DDX51: variants seen among roughly 807,000 people sequenced by gnomAD.
DDX51 encodes ATP-dependent RNA helicase DDX51.
A neutral mutation model predicts 74.6 loss-of-function variants in DDX51; 67 were observed. The observed-to-expected ratio is 0.90, with a 90% CI of 0.74 to 1.10. DDX51 has a LOEUF of 1.10. Ranked by LOEUF, DDX51 falls within the 50% of genes least tolerant of loss-of-function variation. DDX51 has a pLI of 0.00. For synonymous variants in DDX51, 545 were observed against 402.9 expected (o/e 1.35, Z -4.22); for missense variants, 1,056 against 905.2 (o/e 1.17, Z -2.14).
chr12:132,141,967 A>C lies in DDX51; in HGVS notation c.889-11T>G. 2 of 1,612,402 alleles carry C rather than the reference A, an allele frequency of 1.2e-6. No individual in the cohort carries two copies. Among genetic ancestry groups the C allele is most frequent in the African/African-American group, 1.3e-5 (1 of 75,064 alleles). On this transcript the variant is annotated splice_polypyrimidine_tract_variant and intron_variant, in intron 5 of 14. Coordinates refer to ENST00000397333, the MANE Select transcript of DDX51 (RefSeq NM_175066.4). ...GAAAACTTTGCTCACCTGCAGGAGA[A>C]GTCTGTCACTGGCCTGGAGGTAGCT...
chr12:132,140,849 G>A lies in DDX51; in HGVS notation c.1422C>T (p.Ala474=), dbSNP rs145968698. 495 of 1,613,616 alleles carry A rather than the reference G, an allele frequency of 3.1e-4. 6 individuals carry two copies. In the East Asian group the frequency reaches 0.011, roughly 35 times the overall value. Residue 474 remains alanine (A), a synonymous_variant, in exon 9 of 15, where the codon GCC becomes GCT. Coordinates refer to ENST00000397333, the MANE Select transcript of DDX51 (RefSeq NM_175066.4). ...TDGDGDSGKY[A]FPVGLTHHYV... ...CACTCACCGTGAGCCCAACAGGAAA[G>A]GCATACTTCCCCGAATCCCCGTCCC... is the stretch of plus-strand genomic sequence containing the variant.
chr12:132,139,345 A>G lies in DDX51; in HGVS notation c.1975-47T>C, dbSNP rs371973975. On this transcript the variant is annotated intron_variant, in intron 14 of 14. Coordinates refer to ENST00000397333, the MANE Select transcript of DDX51 (RefSeq NM_175066.4). ...TCAGCACCACACACTCTGTCCCCTC[A>G]TCGTCTGTGGGGCCCCGGGCTCTGC... The G allele has an allele frequency of 1.0e-3, 1,656 of 1,597,526 alleles. 1 individual carries two copies. The highest frequency in any genetic ancestry group is 1.2e-3 in the Non-Finnish European group (1,419 of 1,172,596).
At chr12:132,143,327 G>A (rs941575352) in intron 2 of DDX51, 1 of 436,858 alleles carries the variant, frequency 2.3e-6, no homozygotes, top group Non-Finnish European at 4.1e-6. Flanking sequence ...TGTCTCGCCG[G>A]AAATCTCTTT....
At position 132,142,114 on chromosome 12, in the gene DDX51, C is replaced by T. The variant is rs781546585; in HGVS notation, c.888+5G>A. 10 of 1,550,816 alleles carry T rather than the reference C, an allele frequency of 6.4e-6. No individual in the cohort carries two copies. The highest frequency in any genetic ancestry group is 8.7e-6 in the Non-Finnish European group (10 of 1,148,646). On this transcript the variant is annotated splice_donor_5th_base_variant and intron_variant, in intron 5 of 14. Transcript: ENST00000397333. ...TGCCACGCTCCAGGTCTAGGGTCCA[C>T]ATACCTGCTGGGCCAGCTCCTTGGT... is the stretch of plus-strand genomic sequence containing the variant.
chr12:132,140,357 C>G, intron 11 of DDX51, 66 bp downstream of exon 11: 1 of 1,592,426 alleles, frequency 6.3e-7, no homozygotes, highest in Non-Finnish European at 8.6e-7. Flanking sequence ...TTTTAGAGAG[C>G]CCCAGGCTGA....
chr12:132,139,992 T>TC, intron 12 of DDX51, 68 bp from the exon 13 acceptor site: 1 of 1,609,828 alleles, frequency 6.2e-7, no homozygotes, highest in Non-Finnish European at 8.5e-7. Flanking sequence ...AACGACAGCT[T>TC]CTCTCCACAC....
rs199655060 is a variant in DDX51 at position 132,140,851 on chromosome 12, C to A, written c.1420G>T (p.Ala474Ser). Reference protein sequence around the residue: ...TDGDGDSGKYAFPVGLTHHYV... With the variant: ...TDGDGDSGKYSFPVGLTHHYV... ...CTCACCGTGAGCCCAACAGGAAAGG[C>A]ATACTTCCCCGAATCCCCGTCCCCA... The change falls in exon 9 of 15, where the codon GCC (alanine) becomes TCC (serine). Residue 474 changes from alanine to serine, a missense_variant. By Grantham distance (99) the Ala-to-Ser change is moderately conservative. Coordinates refer to ENST00000397333, the MANE Select transcript of DDX51 (RefSeq NM_175066.4). 296 of 1,613,648 alleles carry A rather than the reference C, an allele frequency of 1.8e-4. No homozygotes were observed. In the Middle Eastern group the frequency reaches 2.0e-3, roughly 11 times the overall value.
intron 2 of DDX51, 41 bp from the exon 3 acceptor site, chr12:132,142,919 A>G: frequency 1.2e-6 from 2 of 1,609,358 alleles, no homozygotes; most frequent in Non-Finnish European, 1.7e-6. Flanking sequence ...AGCGCTTTCC[A>G]GGCTCTCGCG....
intron 3 of DDX51, 93 bp from the exon 4 acceptor site, chr12:132,142,515 C>A: frequency 6.5e-7 from 1 of 1,527,546 alleles, no homozygotes; most frequent in Non-Finnish European, 8.7e-7. Context: ...GGCTGCTCTG[C>A]TGGAGGCCTG....
chr12:132,139,473 G>C (rs531097836), intron 14 of DDX51, 162 bp downstream of exon 14: 7 of 1,521,644 alleles, frequency 4.6e-6, no homozygotes, highest in Middle Eastern at 3.5e-4. Flanking sequence ...CTGGTGCCCA[G>C]GGGCTCCCCG....
In DDX51 at chr12:132,139,202, G is replaced by T; in HGVS notation, c.*70C>A. The T allele has an allele frequency of 6.4e-7, 1 of 1,569,976 alleles. No homozygotes were observed. The highest frequency in any genetic ancestry group is 8.6e-7 in the Non-Finnish European group (1 of 1,158,712). On this transcript the variant is annotated 3_prime_UTR_variant, in exon 15 of 15. Coordinates refer to ENST00000397333, the MANE Select transcript of DDX51 (RefSeq NM_175066.4). The stretch of plus-strand genomic sequence containing the variant: ...CCTTTCCTCACATACAGGATCCAGT[G>T]ATCAGCACTGCTCTGGAAGGAGGGT...
Position 132,143,782 on chromosome 12 carries a change from G to A in DDX51, c.432C>T (p.Ala144=). 8 of 1,520,054 alleles carry A rather than the reference G, an allele frequency of 5.3e-6. No individual in the cohort carries two copies. Among genetic ancestry groups the A allele is most frequent in the Non-Finnish European group, 6.1e-6 (7 of 1,138,894 alleles). The allele number at this position is 1,520,054 out of a possible 1,614,324, so 94.2% of individuals were successfully genotyped here. The part of the protein sequence containing the change: ...ERSTSASAEA[A]PDGPALEEAA... Reference sequence around the variant, plus strand: ...CCTCCTCCAGGGCCGGTCCATCTGGGGCCGCCTCGGCGCTGGCGCTGGTGC... The same window carrying A: ...CCTCCTCCAGGGCCGGTCCATCTGGAGCCGCCTCGGCGCTGGCGCTGGTGC... The change falls in exon 2 of 15, where the codon GCC becomes GCT. Residue 144 remains alanine, a synonymous_variant. Transcript: ENST00000397333.
Position 132,141,882 on chromosome 12 carries a change from C to T in DDX51, c.963G>A (p.Leu321=), listed in dbSNP as rs116281803. 2.3e-3 allele frequency: 3,704 copies of T among 1,613,192 alleles called. 88 individuals carry two copies. The African/African-American group carries it at 0.043, about 19-fold the overall frequency. ...GGACGAGGCTCTCCTGCTCCTTGGC[C>T]AGAGACTTCTGTCCCGTAACCAGGG... ...RVSLVTGQKS[L]AKEQESLVQK... Residue 321 remains leucine, a synonymous_variant, in exon 6 of 15, where the codon CTG becomes CTA. Transcript: ENST00000397333.
rs760901169 is a variant in DDX51 at position 132,140,532 on chromosome 12, G to A, written c.1564C>T (p.Leu522=). ...NSRENSHRLF[L]LVQAFGGVDV... ...ACACCCCCAAAAGCTTGCACCAGCA[G>A]GAAGAGCCTAGGCAGAGAGAAGGCT... Residue 522 remains leucine (L), a synonymous_variant, in exon 11 of 15, where the codon CTG becomes TTG. Transcript: ENST00000397333. 1.9e-6 allele frequency: 3 copies of A among 1,612,742 alleles called. No individual in the cohort carries two copies. The highest frequency in any genetic ancestry group is 1.3e-5 in the African/African-American group (1 of 74,940).
intron 2 of DDX51, chr12:132,143,341 G>T: frequency 2.2e-6 from 1 of 456,052 alleles, no homozygotes; most frequent in South Asian, 2.5e-5. Flanking sequence ...TCTCTTTACC[G>T]AAAACCACAC....
In DDX51 at chr12:132,142,783, G is replaced by C; in HGVS notation, c.615C>G (p.Val205=). 1 of 1,613,104 alleles carries C rather than the reference G, an allele frequency of 6.2e-7. No individual in the cohort carries two copies. The highest frequency in any genetic ancestry group is 8.5e-7 in the Non-Finnish European group (1 of 1,180,020). ...DLVPIEDIPD[V]HPDLQKQLRA... is the part of the protein sequence containing the mutation. Reference sequence around the variant, plus strand: ...GCAGCTGCTTCTGCAGGTCAGGATGGACGTCAGGGATGTCCTCGATAGGAA... The same window carrying C: ...GCAGCTGCTTCTGCAGGTCAGGATGCACGTCAGGGATGTCCTCGATAGGAA... The change falls in exon 3 of 15, where the codon GTC becomes GTG. Residue 205 remains valine (V), a synonymous_variant. Coordinates refer to ENST00000397333, the MANE Select transcript of DDX51 (RefSeq NM_175066.4).
intron 3 of DDX51, 56 bp from the exon 4 acceptor site, chr12:132,142,478 G>A (rs754756947): frequency 3.2e-6 from 5 of 1,580,006 alleles, no homozygotes; most frequent in East Asian, 2.3e-5. Flanking sequence ...TAGGCCTGCC[G>A]CTTCCCTGCC....
chr12:132,138,570 C>G lies in DDX51; in HGVS notation c.*702G>C, dbSNP rs1297852453. On this transcript the variant is annotated 3_prime_UTR_variant, in exon 15 of 15. Coordinates refer to ENST00000397333, the MANE Select transcript of DDX51 (RefSeq NM_175066.4). ...TCTATCTCCTGACCTTGTGATCCAC[C>G]TGCCTCGGCCTCCCAAAGTGCTGGG... 1 of 151,368 alleles carries G rather than the reference C, an allele frequency of 6.6e-6. No homozygotes were observed. Among genetic ancestry groups the G allele is most frequent in the Non-Finnish European group, 1.5e-5 (1 of 67,958 alleles). 9.4% of individuals were successfully genotyped at this position (151,368 alleles called of 1,614,324 possible). A position where few individuals can be genotyped will look rare whatever the true frequency, so the allele number is the denominator to read the frequency against.
In DDX51 at chr12:132,138,574, C is replaced by T. The variant is rs1897336012; in HGVS notation, c.*698G>A. 1 of 151,470 alleles carries T rather than the reference C, an allele frequency of 6.6e-6. No individual in the cohort carries two copies. Among genetic ancestry groups the T allele is most frequent in the African/African-American group, 2.4e-5 (1 of 41,182 alleles). The allele number at this position is 151,470 out of a possible 1,614,324, so 9.4% of individuals were successfully genotyped here. ...TCTCCTGACCTTGTGATCCACCTGC[C>T]TCGGCCTCCCAAAGTGCTGGGATTA... On this transcript the variant is annotated 3_prime_UTR_variant, in exon 15 of 15. Coordinates refer to ENST00000397333, the MANE Select transcript of DDX51 (RefSeq NM_175066.4).
Sources: allele counts gnomAD v4.1 joint callset, GRCh38; gene constraint gnomAD v4.1.1; transcripts MANE v1.5; gene names NCBI Gene and HGNC (gene_info 2026-07-23, HGNC 2026-07-21).